The following WDR72 variants were observed in gnomAD, a reference collection of about 807,000 sequenced individuals.
WDR72 encodes WD repeat-containing protein 72.
Under a neutral mutation model 124.2 loss-of-function variants are expected in WDR72, and 120 were observed. The observed-to-expected ratio is 0.97, with a 90% CI of 0.83 to 1.12. WDR72 has a LOEUF of 1.12. WDR72 is among the 50% of genes most tolerant of loss of function. The pLI is 0.00. For synonymous variants in WDR72, 452 were observed against 441.7 expected (o/e 1.02, Z -0.29); for missense variants, 1,387 against 1,278.8 (o/e 1.08, Z -1.29).
chr15:53,712,986 AC>A, intron 6 of WDR72, 95 bp from the exon 7 acceptor site: 1 of 1,420,226 alleles, frequency 7.0e-7, no homozygotes, highest in Non-Finnish European at 9.7e-7. Context: ...AGTAGATCAC[AC>A]CATTATAAAA....
intron 13 of WDR72, among the ~76,000 whole-genome samples, chr15:53,683,806 G>A (rs144136346): frequency 9.9e-5 from 15 of 151,906 alleles, no homozygotes; most frequent in East Asian, 7.7e-4. Flanking sequence ...AAAAGTATAC[G>A]GATGGCAAAT....
intron 14 of WDR72, among the ~76,000 whole-genome samples, chr15:53,648,315 T>C (rs969037657): frequency 4.6e-5 from 7 of 152,140 alleles, no homozygotes; most frequent in Non-Finnish European, 8.8e-5. Flanking sequence ...AGATAACAAG[T>C]ATGTGTTACT....
intron 7 of WDR72, 116 bp from the exon 8 acceptor site, chr15:53,711,597 T>C: frequency 9.5e-7 from 1 of 1,054,118 alleles, no homozygotes; most frequent in African/African-American, 1.6e-5. Flanking sequence ...TAACAGACCA[T>C]ACTGTACTCT....
chr15:53,599,883 T>C (rs2012964551), intron 17 of WDR72, among the ~76,000 whole-genome samples: 1 of 152,170 alleles, frequency 6.6e-6, no homozygotes, highest in Non-Finnish European at 1.5e-5. Flanking sequence ...TACATAGTTG[T>C]CACCACAAAT....
chr15:53,672,435 T>C (rs912753438), intron 13 of WDR72, among the ~76,000 whole-genome samples: 1 of 152,148 alleles, frequency 6.6e-6, no homozygotes, highest in Non-Finnish European at 1.5e-5. Context: ...TGTAAATCAG[T>C]ATGTTGCTAA....
chr15:53,522,123 C>A (rs1195508946), intron 19 of WDR72, among the ~76,000 whole-genome samples: 1 of 151,930 alleles, frequency 6.6e-6, no homozygotes, highest in Admixed American at 6.6e-5. Context: ...ACAATGCCAT[C>A]GCCACTGCGC....
chr15:53,695,417 C>A (rs925074949), intron 13 of WDR72, among the ~76,000 whole-genome samples: 1 of 152,232 alleles, frequency 6.6e-6, no homozygotes, highest in African/African-American at 2.4e-5. Context: ...ATTATTACGC[C>A]TATTGTGTCT....
intron 13 of WDR72, among the ~76,000 whole-genome samples, chr15:53,675,280 T>G (rs1394613788): frequency 1.3e-5 from 2 of 151,030 alleles, no homozygotes; most frequent in African/African-American, 4.9e-5. Flanking sequence ...AAGGCGGAGG[T>G]TGCAGTGAGC....
intron 18 of WDR72, among the ~76,000 whole-genome samples, chr15:53,586,323 G>T (rs1042515228): frequency 1.3e-5 from 2 of 151,982 alleles, no homozygotes; most frequent in African/African-American, 4.8e-5. Flanking sequence ...AATACTAATG[G>T]ACTATTGGAC....
At chr15:53,686,269 T>C (rs1263109388) in intron 13 of WDR72, among the ~76,000 whole-genome samples, 1 of 151,948 alleles carries the variant, frequency 6.6e-6, no homozygotes, top group Non-Finnish European at 1.5e-5. Context: ...GACTGGCAAA[T>C]TGGATAAAGA....
chr15:53,619,534 A>T (rs575586881), intron 14 of WDR72, among the ~76,000 whole-genome samples: 3 of 151,162 alleles, frequency 2.0e-5, no homozygotes, highest in African/African-American at 7.4e-5. Context: ...TGAGACCAAC[A>T]AAGACAAATA....
chr15:53,568,834 T>G (rs1193182426), intron 18 of WDR72, among the ~76,000 whole-genome samples: 1 of 152,054 alleles, frequency 6.6e-6, no homozygotes, highest in African/African-American at 2.4e-5. Flanking sequence ...AATGTAAACA[T>G]ACATTATAAG....
chr15:53,720,022 A>G (rs1270444606), intron 3 of WDR72, among the ~76,000 whole-genome samples: 2 of 152,166 alleles, frequency 1.3e-5, no homozygotes, highest in African/African-American at 4.8e-5. Context: ...TTTGATTAGT[A>G]TACATATGAT....
rs747303801 is a variant in WDR72 at position 53,613,710 on chromosome 15, T to C, written c.2828A>G (p.Asn943Ser). ...GAAGCTTGACATATTTAAAATGTCA[T>C]TCCCAGCACCTCTCATCTTATTATG... ...SIHNKMRGAG[N>S]DILNMSSFYS... is the part of the protein sequence containing the mutation. Residue 943 changes from asparagine (N) to serine (S), a missense_variant, in exon 16 of 20, where the codon AAT (asparagine) becomes AGT (serine). Coordinates refer to ENST00000360509, the MANE Select transcript of WDR72 (RefSeq NM_182758.4). The C allele has an allele frequency of 1.5e-5, 24 of 1,611,380 alleles. No individual in the cohort carries two copies. Among genetic ancestry groups the C allele is most frequent in the Non-Finnish European group, 1.4e-5 (16 of 1,178,504 alleles).
chr15:53,524,485 A>T (rs1255668271), intron 18 of WDR72, among the ~76,000 whole-genome samples: 1 of 152,082 alleles, frequency 6.6e-6, no homozygotes. Context: ...ACGTGACACA[A>T]CGGTGTCCCA....
chr15:53,570,930 C>A (rs186984026), intron 18 of WDR72, among the ~76,000 whole-genome samples: 1 of 152,098 alleles, frequency 6.6e-6, no homozygotes, highest in Non-Finnish European at 1.5e-5. Context: ...TCCTTTGCAG[C>A]GACATGGATG....
upstream of WDR72, among the ~76,000 whole-genome samples, chr15:53,760,503 G>C (rs928145571): frequency 3.7e-4 from 56 of 152,130 alleles, 1 homozygote; most frequent in African/African-American, 1.3e-3. Flanking sequence ...TGTTGCAAAT[G>C]ACAGAATCTC....
chr15:53,532,242 C>G (rs1167474222), intron 18 of WDR72, among the ~76,000 whole-genome samples: 4 of 151,990 alleles, frequency 2.6e-5, no homozygotes, highest in African/African-American at 4.8e-5. Flanking sequence ...GGAGGTTTCT[C>G]AAAAACTAAA....
intron 14 of WDR72, among the ~76,000 whole-genome samples, chr15:53,643,744 G>A (rs2014940208): frequency 7.6e-6 from 1 of 131,376 alleles, no homozygotes; most frequent in Non-Finnish European, 1.5e-5. Flanking sequence ...CTGTGTGTGT[G>A]CGTGTGTGTG....
Sources: allele counts gnomAD v4.1 joint callset (sites outside exome capture counted in the v4.1 genomes callset), GRCh38; gene constraint gnomAD v4.1.1; transcripts MANE v1.5; gene names NCBI Gene and HGNC (gene_info 2026-07-23, HGNC 2026-07-21).